ANO7: variants seen among roughly 807,000 people sequenced by gnomAD.
ANO7 encodes anoctamin-7.
Under a neutral mutation model 115.8 loss-of-function variants are expected in ANO7, and 114 were observed. The observed-to-expected ratio is 0.98, with a 90% CI of 0.85 to 1.15. The LOEUF (loss-of-function observed/expected upper bound fraction) is 1.15, where lower values mean the gene tolerates loss of function less well. ANO7 is among the 50% of genes most tolerant of loss of function. The pLI, the probability that ANO7 is intolerant of heterozygous loss-of-function variation, is 0.00. For synonymous variants in ANO7, 550 were observed against 498.2 expected, an observed-to-expected ratio of 1.10 and a Z score of -1.38; for missense variants, 1,302 against 1,201.2, an observed-to-expected ratio of 1.08 and a Z score of -1.24.
At chr2:241,189,795 C>A (rs966141842) in intron 1 of ANO7, among the ~76,000 whole-genome samples, 3 of 152,190 alleles carry the variant, frequency 2.0e-5, no homozygotes, top group Non-Finnish European at 4.4e-5. Flanking sequence ...CGGGCACTCA[C>A]TGGATGGACA....
chr2:241,202,967 G>A (rs564411374), intron 8 of ANO7, among the ~76,000 whole-genome samples: 5 of 152,244 alleles, frequency 3.3e-5, no homozygotes, highest in East Asian at 1.9e-4. Context: ...GGCTCCTCCC[G>A]CCAGCCAGGG....
In ANO7 at chr2:241,209,598, G is replaced by A. The variant is rs752172841; in HGVS notation, c.1322G>A (p.Arg441His). 39 of 1,595,156 alleles carry A rather than the reference G, an allele frequency of 2.4e-5. No individual in the cohort carries two copies. Among genetic ancestry groups the A allele is most frequent in the Middle Eastern group, 2.3e-4 (1 of 4,380 alleles). ...EPYFPERSRA[R>H]RMLAGSVVIV... is the part of the protein sequence containing the mutation. The stretch of plus-strand genomic sequence containing the variant: ...TACTTCCCTGAGAGGAGCCGCGCGC[G>A]CCGCATGCTGGCCGGCTCTGTGGTG... The change falls in exon 13 of 25, where the codon CGC (arginine) becomes CAC (histidine). Residue 441 changes from arginine to histidine, a missense_variant. Physicochemically the swap from Arg to His is conservative, Grantham distance 29 (BLOSUM62 0). Coordinates refer to ENST00000674324, the MANE Select transcript of ANO7 (RefSeq NM_001370694.2).
At chr2:241,215,001 G>A (rs559283554) in intron 18 of ANO7, 99 bp downstream of exon 18, 594 of 1,162,586 alleles carry the variant, frequency 5.1e-4, no homozygotes, top group Non-Finnish European at 6.4e-4. Context: ...TGGGAGAAGA[G>A]GTGAAGGGAA....
chr2:241,236,172 T>G, the ANO7 span: 1 of 205,458 alleles, frequency 4.9e-6, no homozygotes, highest in African/African-American at 2.3e-5. Flanking sequence ...TGAGAACTAT[T>G]TTTGTGTGCT....
chr2:241,208,952 A>G (rs557295043), intron 11 of ANO7, among the ~76,000 whole-genome samples: 4 of 152,206 alleles, frequency 2.6e-5, no homozygotes, highest in South Asian at 2.1e-4. Context: ...GATCGAGACC[A>G]TCCTGGCTAA....
At position 241,223,344 on chromosome 2, in the gene ANO7, CG is replaced by C. The variant is rs761917558; in HGVS notation, c.2412+69del. ...CCCCGACCCTGTGCTTTGCCTAATTCGAGCACGTGGTGAGGGGTCGGTGCCG... is the reference window on the plus strand; with the variant it reads ...CCCCGACCCTGTGCTTTGCCTAATTCAGCACGTGGTGAGGGGTCGGTGCCG... On this transcript the variant is annotated intron_variant, in intron 22 of 24. Coordinates refer to ENST00000674324, the MANE Select transcript of ANO7 (RefSeq NM_001370694.2). The C allele has an allele frequency of 3.5e-4, 548 of 1,557,256 alleles. 1 individual carries two copies. The highest frequency in any genetic ancestry group is 1.7e-3 in the Middle Eastern group (10 of 5,958).
At chr2:241,232,301 A>T in the ANO7 span, among the ~76,000 whole-genome samples, 1 of 150,452 alleles carries the variant, frequency 6.6e-6, no homozygotes, top group Admixed American at 6.6e-5. Context: ...TTAAAGACAG[A>T]GTCTCACTCT....
intron 22 of ANO7, 137 bp from the exon 23 acceptor site, chr2:241,223,525 T>TG: frequency 7.2e-7 from 1 of 1,391,766 alleles, no homozygotes; most frequent in Non-Finnish European, 9.8e-7. Context: ...CTGCCCCTTC[T>TG]GGGGTTCCTT....
At chr2:241,205,047 A>G in intron 10 of ANO7, 92 bp downstream of exon 10, 1 of 1,070,376 alleles carries the variant, frequency 9.3e-7, no homozygotes, top group Non-Finnish European at 1.4e-6. Flanking sequence ...GGTCCTGTGC[A>G]GACAGCTGGT....
intron 18 of ANO7, 135 bp downstream of exon 18, chr2:241,215,037 G>A (rs754065680): frequency 2.4e-6 from 2 of 827,464 alleles, no homozygotes; most frequent in Admixed American, 2.7e-5. Context: ...GAGGGGGAGG[G>A]GGAGTGTGCC....
At chr2:241,230,706 A>T (rs1574826963), downstream of ANO7, 5 of 1,521,330 alleles carry the variant, frequency 3.3e-6, no homozygotes, top group East Asian at 1.1e-4. This position sits in a 1 kb window ranked among gnomAD's most constrained non-coding sequence, Gnocchi z 5.0. Flanking sequence ...CTGGCCAGCC[A>T]GGTGCCCCCG....
chr2:241,218,268 C>T lies in ANO7; in HGVS notation c.2208C>T (p.Phe736=), dbSNP rs755797694. ...TCCTCCTGGCCTTCTCGTCCGACTT[C>T]CTGCCGCGCGCCTACTACCGGTGGA... ...NAFLLAFSSD[F]LPRAYYRWTR... Residue 736 remains phenylalanine (F), a synonymous_variant, in exon 21 of 25, where the codon TTC becomes TTT. Transcript: ENST00000674324. 3.7e-4 allele frequency: 574 copies of T among 1,533,398 alleles called. No homozygotes were observed. Among genetic ancestry groups the T allele is most frequent in the Non-Finnish European group, 4.6e-4 (529 of 1,147,566 alleles). The allele number at this position is 1,533,398 out of a possible 1,614,324, so 95.0% of individuals were successfully genotyped here.
intron 4 of ANO7, among the ~76,000 whole-genome samples, chr2:241,198,771 G>C (rs964047878): frequency 3.3e-5 from 5 of 152,230 alleles, no homozygotes; most frequent in Non-Finnish European, 4.4e-5. Flanking sequence ...TCAGATCCCT[G>C]TCTCAACCCA....
the ANO7 span, among the ~76,000 whole-genome samples, chr2:241,237,882 C>T: frequency 6.6e-6 from 1 of 152,164 alleles, no homozygotes; most frequent in African/African-American, 2.4e-5. Flanking sequence ...GTTTCCTACT[C>T]AAAACACCCT....
the ANO7 span, chr2:241,240,028 T>C: frequency 1.2e-6 from 2 of 1,614,206 alleles, no homozygotes; most frequent in Non-Finnish European, 1.7e-6. This position sits in a 1 kb window ranked among gnomAD's most constrained non-coding sequence, Gnocchi z 5.5. Context: ...TCCAGTGCTG[T>C]CGCGCACCTT....
chr2:241,223,541 G>A (rs1256842324), intron 22 of ANO7, 121 bp from the exon 23 acceptor site: 4 of 1,474,900 alleles, frequency 2.7e-6, no homozygotes, highest in Non-Finnish European at 3.7e-6. Flanking sequence ...TCCTTTTCCT[G>A]CACAGCTGCT....
At chr2:241,220,350 A>G (rs114547331) in intron 21 of ANO7, among the ~76,000 whole-genome samples, 1 of 152,186 alleles carries the variant, frequency 6.6e-6, no homozygotes, top group Non-Finnish European at 1.5e-5. Flanking sequence ...GTTCTTTGGA[A>G]ATATTATTCT....
At chr2:241,235,173 T>C in the ANO7 span, 10 of 1,614,064 alleles carry the variant, frequency 6.2e-6, no homozygotes, top group Admixed American at 1.7e-4. Flanking sequence ...CAGTCCAGCC[T>C]TGGCCCGGTC....
intron 8 of ANO7, among the ~76,000 whole-genome samples, chr2:241,202,565 G>C (rs2149167649): frequency 6.6e-6 from 1 of 152,356 alleles, no homozygotes; most frequent in South Asian, 2.1e-4. Context: ...CTGGGCTCTA[G>C]ATGCTATGGC....
Sources: allele counts gnomAD v4.1 joint callset (sites outside exome capture counted in the v4.1 genomes callset), GRCh38; gene constraint gnomAD v4.1.1; non-coding constraint Gnocchi (gnomAD v3.1); transcripts MANE v1.5; gene names NCBI Gene and HGNC (gene_info 2026-07-23, HGNC 2026-07-21).